HSPBAP1: variants seen among roughly 807,000 people sequenced by gnomAD.
HSPBAP1 encodes HSPB1-associated protein 1.
A neutral mutation model predicts 45.2 loss-of-function variants in HSPBAP1; 27 were observed. The ratio of observed to expected loss-of-function variants is 0.60; its 90% CI spans 0.44 to 0.82. The LOEUF (loss-of-function observed/expected upper bound fraction) is 0.82. Ranked by LOEUF, HSPBAP1 falls within the 40% of genes least tolerant of loss-of-function variation. The probability of loss-of-function intolerance (pLI) is 0.00; values close to 1 mark genes in which losing one functional copy is unlikely to be tolerated. For missense variants in HSPBAP1, 510 were observed against 590.9 expected, an observed-to-expected ratio of 0.86 and a Z score of 1.42; for synonymous variants, 204 against 202.7, an observed-to-expected ratio of 1.01 and a Z score of -0.06.
At position 122,793,252 on chromosome 3, in the gene HSPBAP1, G is replaced by A. The variant is rs117282671; in HGVS notation, c.64+365C>T. ...AAGCGCATAATCCCTGTTCACAAAA[G>A]TCTCAGATAACTTCCATTAATCTCA... On this transcript the variant is annotated intron_variant, in intron 1 of 7. Coordinates refer to ENST00000306103, the MANE Select transcript of HSPBAP1 (RefSeq NM_024610.6). Among the ~76,000 whole-genome samples, 26 of 152,270 alleles carry A rather than the reference G, an allele frequency of 1.7e-4. No homozygotes were observed. In the East Asian group the frequency reaches 4.6e-3, roughly 27 times the overall value.
intron 2 of HSPBAP1, among the ~76,000 whole-genome samples, chr3:122,771,033 C>G (rs140109040): frequency 1.3e-5 from 2 of 152,234 alleles, no homozygotes; most frequent in Non-Finnish European, 2.9e-5. Flanking sequence ...ATTTGCAGCC[C>G]CCAGAAACTG....
At chr3:122,784,567 C>T (rs1160173375) in intron 1 of HSPBAP1, among the ~76,000 whole-genome samples, 5 of 152,126 alleles carry the variant, frequency 3.3e-5, no homozygotes, top group Non-Finnish European at 7.3e-5. Flanking sequence ...GAGAGTTGGA[C>T]CTGAAGTTGA....
intron 1 of HSPBAP1, among the ~76,000 whole-genome samples, chr3:122,778,107 A>T (rs961996920): frequency 2.6e-5 from 4 of 151,866 alleles, no homozygotes; most frequent in Admixed American, 6.6e-5. Flanking sequence ...ATCCAGGGGT[A>T]TATGTGCAGG....
intron 6 of HSPBAP1, among the ~76,000 whole-genome samples, chr3:122,751,535 A>G (rs955341564): frequency 1.3e-5 from 2 of 152,258 alleles, no homozygotes; most frequent in African/African-American, 4.8e-5. Flanking sequence ...AGAAGAAAAG[A>G]TTATGGAAAA....
intron 6 of HSPBAP1, among the ~76,000 whole-genome samples, chr3:122,747,259 C>G (rs1933909962): frequency 6.6e-6 from 1 of 151,936 alleles, no homozygotes; most frequent in African/African-American, 2.4e-5. Flanking sequence ...AGCGTCTCTG[C>G]CCGGCCGCCC....
intron 2 of HSPBAP1, among the ~76,000 whole-genome samples, chr3:122,771,645 T>A (rs2107525696): frequency 6.6e-6 from 1 of 152,296 alleles, no homozygotes; most frequent in African/African-American, 2.4e-5. Context: ...ATGTTCAGGG[T>A]TATTTCTACA....
rs188653732 is a variant in HSPBAP1 at position 122,763,891 on chromosome 3, C to G, written c.433-4531G>C. On this transcript the variant is annotated intron_variant, in intron 3 of 7. Coordinates refer to ENST00000306103, the MANE Select transcript of HSPBAP1 (RefSeq NM_024610.6). ...TGGCTGATGCCGCCTGTCTGCTCCACGCAAGGCCCTGTCCAATCTCCCCAC... is the reference window on the plus strand; with the variant it reads ...TGGCTGATGCCGCCTGTCTGCTCCAGGCAAGGCCCTGTCCAATCTCCCCAC... Among the ~76,000 whole-genome samples the G allele has an allele frequency of 1.2e-3, 187 of 152,368 alleles. 4 individuals carry two copies. Among genetic ancestry groups the G allele is most frequent in the Admixed American group, 0.01 (157 of 15,308 alleles).
intron 2 of HSPBAP1, among the ~76,000 whole-genome samples, chr3:122,776,014 A>G (rs1301803107): frequency 6.6e-6 from 1 of 152,234 alleles, no homozygotes; most frequent in African/African-American, 2.4e-5. Context: ...CAGGCACAAA[A>G]GGGCCAATAG....
intron 3 of HSPBAP1, among the ~76,000 whole-genome samples, chr3:122,763,048 T>C (rs1042171504): frequency 6.6e-6 from 1 of 152,230 alleles, no homozygotes; most frequent in Non-Finnish European, 1.5e-5. Context: ...ATTGGGTTCA[T>C]ACACATCTGG....
intron 1 of HSPBAP1, among the ~76,000 whole-genome samples, chr3:122,788,143 G>C (rs1240889355): frequency 1.3e-5 from 2 of 152,120 alleles, no homozygotes; most frequent in Non-Finnish European, 1.5e-5. Flanking sequence ...CTTACCAAAG[G>C]TTCATGAGCC....
chr3:122,788,915 G>T lies in HSPBAP1; in HGVS notation c.64+4702C>A, dbSNP rs144182480. On this transcript the variant is annotated intron_variant, in intron 1 of 7. Coordinates refer to ENST00000306103, the MANE Select transcript of HSPBAP1 (RefSeq NM_024610.6). The stretch of plus-strand genomic sequence containing the variant: ...CCTAACACTACTAACACTGAAAAAT[G>T]GTTAACATGGTAAATTTTATGTTAT... Among the ~76,000 whole-genome samples the T allele has an allele frequency of 3.5e-3, 530 of 152,202 alleles. 2 individuals carry two copies. The highest frequency in any genetic ancestry group is 0.013 in the Admixed American group (198 of 15,284).
rs754638707 is a variant in HSPBAP1, at chr3:122,790,100, C to T, written c.64+3517G>A. Among the ~76,000 whole-genome samples, 77 of 152,092 alleles carry T rather than the reference C, an allele frequency of 5.1e-4. 1 individual carries two copies. Among genetic ancestry groups the T allele is most frequent in the African/African-American group, 1.4e-3 (58 of 41,416 alleles). On this transcript the variant is annotated intron_variant, in intron 1 of 7. Transcript: ENST00000306103. Reference sequence around the variant, plus strand: ...CTGGTCTCAAATTCCTGAGCTCAAGCGATCTGCCTGCCTCGCCTCCCAAAG... The same window carrying T: ...CTGGTCTCAAATTCCTGAGCTCAAGTGATCTGCCTGCCTCGCCTCCCAAAG...
At chr3:122,750,737 G>C (rs116341003) in intron 6 of HSPBAP1, among the ~76,000 whole-genome samples, 2,640 of 152,260 alleles carry the variant, frequency 0.017, 51 homozygotes, top group Non-Finnish European at 0.029. Context: ...AGGAGAAAGG[G>C]TATCCTGGGA....
chr3:122,779,704 T>C lies in HSPBAP1; in HGVS notation c.65-1798A>G, dbSNP rs1296839825. ...ATTACTTGAGATTAGGGATTGGTGATGACTCTTAACGAGCATGCTGCCTTC... is the reference window on the plus strand; with the variant it reads ...ATTACTTGAGATTAGGGATTGGTGACGACTCTTAACGAGCATGCTGCCTTC... On this transcript the variant is annotated intron_variant, in intron 1 of 7. Coordinates refer to ENST00000306103, the MANE Select transcript of HSPBAP1 (RefSeq NM_024610.6). 2.7e-5 allele frequency among the ~76,000 whole-genome samples: 4 copies of C among 149,702 alleles called. No homozygotes were observed. In the South Asian group the frequency reaches 6.3e-4, roughly 23 times the overall value.
intron 6 of HSPBAP1, among the ~76,000 whole-genome samples, chr3:122,749,850 T>C (rs940759112): frequency 6.6e-6 from 1 of 152,006 alleles, no homozygotes; most frequent in Non-Finnish European, 1.5e-5. Context: ...GACCATGTGA[T>C]CTGCCCGCCT....
intron 1 of HSPBAP1, among the ~76,000 whole-genome samples, chr3:122,779,103 C>A (rs372419727): frequency 1.3e-5 from 2 of 151,240 alleles, no homozygotes; most frequent in Non-Finnish European, 2.9e-5. Flanking sequence ...AGTGCAGTGG[C>A]GCAGTCTCGG....
intron 4 of HSPBAP1, chr3:122,758,801 G>A: frequency 4.4e-6 from 2 of 454,844 alleles, no homozygotes; most frequent in Non-Finnish European, 8.8e-6. Flanking sequence ...AGAGGCTGCG[G>A]CAGGAGGATG....
Position 122,740,684 on chromosome 3 carries a change from G to T in HSPBAP1, c.1128C>A (p.Thr376=). 6.2e-7 allele frequency: 1 copy of T among 1,613,956 alleles called. No homozygotes were observed. The highest frequency in any genetic ancestry group is 8.5e-7 in the Non-Finnish European group (1 of 1,180,022). ...CTGCCTCCGGTTTGTCTGTTCCTGT[G>T]GTCAAGTTCTGGCTACCTGTTTGGC... ...EVGQTGSQNL[T]TGTDKPEAAS... The change falls in exon 8 of 8, where the codon ACC becomes ACA. Residue 376 remains threonine (T), a synonymous_variant. Transcript: ENST00000306103.
At chr3:122,763,510 G>A (rs527549418) in intron 3 of HSPBAP1, among the ~76,000 whole-genome samples, 2 of 151,852 alleles carry the variant, frequency 1.3e-5, no homozygotes, top group South Asian at 4.2e-4. Context: ...CCACTGTCTC[G>A]ACACTAGCAG....
Sources: allele counts gnomAD v4.1 joint callset (sites outside exome capture counted in the v4.1 genomes callset), GRCh38; gene constraint gnomAD v4.1.1; transcripts MANE v1.5; gene names NCBI Gene and HGNC (gene_info 2026-07-23, HGNC 2026-07-21).